The following GLP1R variants were observed in gnomAD, a reference collection of about 807,000 sequenced individuals.
The protein encoded by GLP1R is glucagon like peptide 1 receptor.
In GLP1R, 32 loss-of-function variants were observed where a neutral mutation model predicts 68.4. The ratio of observed to expected loss-of-function variants is 0.47; its 90% CI spans 0.35 to 0.63. The LOEUF is 0.63. GLP1R is among the 20% of genes least tolerant of loss of function. GLP1R has a pLI of 0.00. For missense variants in GLP1R, 502 were observed against 594.9 expected (o/e 0.84, Z 1.62); for synonymous variants, 263 against 244.4 (o/e 1.08, Z -0.71).
chr6:39,056,174 T>C (rs1292786037), intron 1 of GLP1R, among the ~76,000 whole-genome samples: 1 of 152,156 alleles, frequency 6.6e-6, no homozygotes, highest in Non-Finnish European at 1.5e-5. Flanking sequence ...TCGTGACACA[T>C]CAAGCTATGC....
intron 1 of GLP1R, among the ~76,000 whole-genome samples, chr6:39,051,993 C>CTG (rs145937816): frequency 4.0e-5 from 6 of 150,726 alleles, no homozygotes; most frequent in African/African-American, 9.8e-5. Flanking sequence ...GTGTGTTCCT[C>CTG]TGTGTGTGTG....
chr6:39,084,901 C>T (rs971920834), intron 12 of GLP1R, among the ~76,000 whole-genome samples: 4 of 152,128 alleles, frequency 2.6e-5, no homozygotes, highest in Admixed American at 6.5e-5. Context: ...TATCCACAGC[C>T]GCTGGCATCT....
In GLP1R at chr6:39,086,190, C is replaced by CACACACACAA. The variant is rs1554173007; in HGVS notation, c.*126_*127insAACACACACA. 4.6e-5 allele frequency: 33 copies of CACACACACAA among 715,118 alleles called. No homozygotes were observed. In the African/African-American group the frequency reaches 5.3e-4, roughly 12 times the overall value. 44.3% of individuals were successfully genotyped at this position (715,118 alleles called of 1,614,324 possible). On this transcript the variant is annotated 3_prime_UTR_variant, in exon 13 of 13. Transcript: ENST00000373256. The surrounding 1 kb of genome is among the most constrained non-coding windows in gnomAD (Gnocchi z 4.5). ...GGACACACACACACACACACACACA[C>CACACACACAA]ACACACACACACACATACATCCTGC...
Position 39,090,875 on chromosome 6 carries a change from A to T in GLP1R, c.*4802A>T, listed in dbSNP as rs906575907. ...CAACGGGGGCATTGAGGGAAGGGCAAAATTCACCCCAGACAGCCAGTGCTT... is the reference window on the plus strand; with the variant it reads ...CAACGGGGGCATTGAGGGAAGGGCATAATTCACCCCAGACAGCCAGTGCTT... On this transcript the variant is annotated 3_prime_UTR_variant, in exon 13 of 13. Coordinates refer to ENST00000373256, the MANE Select transcript of GLP1R (RefSeq NM_002062.5). Among the ~76,000 whole-genome samples, 17 of 152,170 alleles carry T rather than the reference A, an allele frequency of 1.1e-4. No homozygotes were observed. Among genetic ancestry groups the T allele is most frequent in the Non-Finnish European group, 1.5e-5 (1 of 68,032 alleles).
Position 39,079,050 on chromosome 6 carries a change from G to C in GLP1R, c.954+24G>C. On this transcript the variant is annotated intron_variant, in intron 9 of 12. Transcript: ENST00000373256. This position sits in a 1 kb window ranked among gnomAD's most constrained non-coding sequence, Gnocchi z 4.5. ...GGGTGAGTGATGGTGTCAGGGATGG[G>C]AGTGGCAGCTATGATAGGGCTGGGC... The C allele has an allele frequency of 6.2e-7, 1 of 1,612,208 alleles. No individual in the cohort carries two copies. The highest frequency in any genetic ancestry group is 1.3e-5 in the African/African-American group (1 of 75,004).
intron 5 of GLP1R, among the ~76,000 whole-genome samples, chr6:39,067,624 T>C (rs1768552360): frequency 6.6e-6 from 1 of 152,202 alleles, no homozygotes; most frequent in South Asian, 2.1e-4. Flanking sequence ...TCAACATGAA[T>C]TTTGGAGTGA....
chr6:39,066,209 G>T lies in GLP1R; in HGVS notation c.415G>T (p.Glu139Ter). 6.2e-7 allele frequency: 1 copy of T among 1,603,524 alleles called. No homozygotes were observed. The highest frequency in any genetic ancestry group is 8.5e-7 in the Non-Finnish European group (1 of 1,170,784). Residue 139 changes from glutamate to a stop codon, truncating the protein, a stop_gained, in exon 5 of 13, where the codon GAG becomes TAG. Transcript: ENST00000373256. LOFTEE classifies it high-confidence loss of function. Reference protein sequence around the residue: ...SKRGERSSPEEQLLFLYIIYT... With the variant: ...SKRGERSSPE ...CCGTGTGCCACAGAGCTCCCCGGAG[G>T]AGCAGCTCCTGTTCCTCTACATCAT...
rs34093988 is a variant in GLP1R, at chr6:39,086,166, G to GACACACACACACAC, written c.*119_*132dup. ...ACTCCCAGGGACAAGGGAAGGAAGG[G>GACACACACACACAC]ACACACACACACACACACACACACA... On this transcript the variant is annotated 3_prime_UTR_variant, in exon 13 of 13. Transcript: ENST00000373256. This position sits in a 1 kb window ranked among gnomAD's most constrained non-coding sequence, Gnocchi z 4.5. 1,259 of 582,706 alleles carry GACACACACACACAC rather than the reference G, an allele frequency of 2.2e-3. 18 individuals are homozygous for GACACACACACACAC. In the African/African-American group the frequency reaches 0.022, roughly 10 times the overall value. 36.1% of individuals were successfully genotyped at this position (582,706 alleles called of 1,614,324 possible).
Position 39,057,586 on chromosome 6 carries a change from C to A in GLP1R, c.283+7C>A. 1.3e-6 allele frequency: 2 copies of A among 1,546,960 alleles called. No homozygotes were observed. Among genetic ancestry groups the A allele is most frequent in the Non-Finnish European group, 1.8e-6 (2 of 1,130,886 alleles). On this transcript the variant is annotated splice_region_variant and intron_variant, in intron 3 of 12. Coordinates refer to ENST00000373256, the MANE Select transcript of GLP1R (RefSeq NM_002062.5). ...CTGCCCTGGGCCAGCAGTGGTGAGCCCCCTCCCCGACCTGGTACCTGCCCT... is the reference window on the plus strand; with the variant it reads ...CTGCCCTGGGCCAGCAGTGGTGAGCACCCTCCCCGACCTGGTACCTGCCCT...
At position 39,048,781 on chromosome 6, in the gene GLP1R, A is replaced by T. The variant is rs1338958616; in HGVS notation, c.-60A>T. On this transcript the variant is annotated 5_prime_UTR_variant, in exon 1 of 13. Transcript: ENST00000373256. ...CCCCACCGCCCGCCACCAGCCCGGG[A>T]TCAGTCTCCGCACGCGGTTCCGCAG... 2 of 766,374 alleles carry T rather than the reference A, an allele frequency of 2.6e-6. No individual in the cohort carries two copies. Among genetic ancestry groups the T allele is most frequent in the Admixed American group, 4.6e-5 (2 of 43,892 alleles). The allele number at this position is 766,374 out of a possible 1,614,324, so 47.5% of individuals were successfully genotyped here.
intron 7 of GLP1R, among the ~76,000 whole-genome samples, chr6:39,074,760 T>A (rs1260121199): frequency 3.3e-5 from 5 of 152,150 alleles, no homozygotes; most frequent in Non-Finnish European, 7.3e-5. Context: ...CTGTTCTCCA[T>A]GCAGGAATGT....
intron 3 of GLP1R, among the ~76,000 whole-genome samples, 176 bp downstream of exon 3, chr6:39,057,755 G>T (rs1457470786): frequency 1.3e-5 from 2 of 150,328 alleles, no homozygotes; most frequent in African/African-American, 5.0e-5. Context: ...GGCCAGCAGT[G>T]GTGAGCCCCC....
intron 3 of GLP1R, among the ~76,000 whole-genome samples, chr6:39,064,000 CTTTTT>C (rs34132463): frequency 8.9e-6 from 1 of 112,072 alleles, no homozygotes; most frequent in South Asian, 2.9e-4. Context: ...AGACTCAGTT[CTTTTT>C]TTTTTTTTTT....
chr6:39,079,232 C>T lies in GLP1R; in HGVS notation c.1043+32C>T, dbSNP rs148030795. The T allele has an allele frequency of 1.8e-4, 258 of 1,447,396 alleles. 2 individuals are homozygous for T. The African/African-American group carries it at 3.0e-3, about 17-fold the overall frequency. The allele number at this position is 1,447,396 out of a possible 1,614,324, so 89.7% of individuals were successfully genotyped here. On this transcript the variant is annotated intron_variant, in intron 10 of 12. Coordinates refer to ENST00000373256, the MANE Select transcript of GLP1R (RefSeq NM_002062.5). This position sits in a 1 kb window ranked among gnomAD's most constrained non-coding sequence, Gnocchi z 4.5. Reference sequence around the variant, plus strand: ...TAACTGAGCTGGCTTTACTGAGGACCCTCAGCAAGTGCCCCTTTCCTTCTA... The same window carrying T: ...TAACTGAGCTGGCTTTACTGAGGACTCTCAGCAAGTGCCCCTTTCCTTCTA...
At chr6:39,057,440 A>G (rs1305840278) in intron 2 of GLP1R, 32 bp from the exon 3 acceptor site, 1 of 1,391,704 alleles carries the variant, frequency 7.2e-7, no homozygotes, top group South Asian at 1.2e-5. Context: ...AGTCACAAGC[A>G]GGGACTCAGA....
At position 39,078,365 on chromosome 6, in the gene GLP1R, C is replaced by T; in HGVS notation, c.867C>T (p.Tyr289=). The T allele has an allele frequency of 6.2e-7, 1 of 1,611,934 alleles. No individual in the cohort carries two copies. Among genetic ancestry groups the T allele is most frequent in the Non-Finnish European group, 8.5e-7 (1 of 1,178,086 alleles). The part of the protein sequence containing the change: ...LFVVPWGIVK[Y]LYEDEGCWTR... Reference sequence around the variant, plus strand: ...TTGTCCCCTGGGGCATTGTCAAGTACCTCTATGAGGACGAGGGGTGAGTGT... The same window carrying T: ...TTGTCCCCTGGGGCATTGTCAAGTATCTCTATGAGGACGAGGGGTGAGTGT... The change falls in exon 8 of 13, where the codon TAC becomes TAT. Residue 289 remains tyrosine (Y), a synonymous_variant. Coordinates refer to ENST00000373256, the MANE Select transcript of GLP1R (RefSeq NM_002062.5).
chr6:39,054,621 C>T (rs1398471180), intron 1 of GLP1R, among the ~76,000 whole-genome samples: 1 of 152,164 alleles, frequency 6.6e-6, no homozygotes, highest in Non-Finnish European at 1.5e-5. Flanking sequence ...GTTAACCCCT[C>T]CCCCCGCCTC....
chr6:39,064,623 C>T (rs1014513803), intron 3 of GLP1R, among the ~76,000 whole-genome samples: 3 of 152,106 alleles, frequency 2.0e-5, no homozygotes, highest in South Asian at 2.1e-4. Flanking sequence ...CAGGAATGAA[C>T]CATTTCCTCC....
chr6:39,060,290 G>A (rs568279914), intron 3 of GLP1R, among the ~76,000 whole-genome samples: 2 of 152,288 alleles, frequency 1.3e-5, no homozygotes, highest in Admixed American at 1.3e-4. Context: ...AGTGTGCCCT[G>A]GTGTCAAGGA....
Sources: gnomAD v4.1 joint callset for allele counts (sites outside exome capture counted in the v4.1 genomes callset) on GRCh38, gnomAD v4.1.1 for gene constraint, Gnocchi (gnomAD v3.1) non-coding constraint, MANE v1.5 for transcripts, NCBI Gene and HGNC (gene_info 2026-07-23, HGNC 2026-07-21) for gene names.